The following SRGAP1 variants were observed in gnomAD, a reference collection of about 807,000 sequenced individuals.
SRGAP1 encodes SLIT-ROBO Rho GTPase activating protein 1.
Under a neutral mutation model 121.9 loss-of-function variants are expected in SRGAP1, and 43 were observed. The ratio of observed to expected loss-of-function variants is 0.35; its 90% CI spans 0.28 to 0.46. The LOEUF is 0.46. Ranked by LOEUF, SRGAP1 falls within the 20% of genes least tolerant of loss-of-function variation. The probability of loss-of-function intolerance (pLI) is 1.00; values close to 1 mark genes in which losing one functional copy is unlikely to be tolerated. For missense variants in SRGAP1, 1,102 were observed against 1,350.9 expected, an observed-to-expected ratio of 0.82 and a Z score of 2.89; for synonymous variants, 447 against 485.4, an observed-to-expected ratio of 0.92 and a Z score of 1.04.
intron 4 of SRGAP1, among the ~76,000 whole-genome samples, chr12:64,031,683 G>A (rs1382316738): frequency 6.6e-6 from 1 of 152,090 alleles, no homozygotes; most frequent in Non-Finnish European, 1.5e-5. Flanking sequence ...TCCTTTTAAA[G>A]GATATATTAA....
At chr12:64,065,470 T>C (rs964449686) in intron 8 of SRGAP1, among the ~76,000 whole-genome samples, 1 of 152,230 alleles carries the variant, frequency 6.6e-6, no homozygotes, top group African/African-American at 2.4e-5. Flanking sequence ...CCTTAAATTG[T>C]AATTTATACT....
intron 3 of SRGAP1, among the ~76,000 whole-genome samples, chr12:63,998,378 T>C (rs1246342672): frequency 6.6e-6 from 1 of 152,202 alleles, no homozygotes. Context: ...ACATCCTACT[T>C]CCTGAGAGAA....
chr12:63,945,841 C>T (rs2032026949), intron 1 of SRGAP1, among the ~76,000 whole-genome samples: 1 of 152,154 alleles, frequency 6.6e-6, no homozygotes, highest in Non-Finnish European at 1.5e-5. Flanking sequence ...CTCTTGGCAG[C>T]TAGAAGACTG....
In SRGAP1 at chr12:63,907,488, A is replaced by C. The variant is rs934543134; in HGVS notation, c.67+62605A>C. Among the ~76,000 whole-genome samples the C allele has an allele frequency of 5.4e-4, 82 of 152,078 alleles. 1 individual carries two copies. Among genetic ancestry groups the C allele is most frequent in the Non-Finnish European group, 2.5e-4 (17 of 68,014 alleles). On this transcript the variant is annotated intron_variant, in intron 1 of 21. Transcript: ENST00000355086. ...GGGAGGTGGAGGTTGCAGTGAGCTG[A>C]GATCACGCCATTGCACACCAGCCTG...
At chr12:63,949,351 T>G in intron 1 of SRGAP1, among the ~76,000 whole-genome samples, 1 of 146,564 alleles carries the variant, frequency 6.8e-6, no homozygotes. Context: ...TTTTTTGCTG[T>G]TGGTCTTTGA....
chr12:64,024,286 C>G lies in SRGAP1; in HGVS notation c.489+7274C>G, dbSNP rs181085411. On this transcript the variant is annotated intron_variant, in intron 4 of 21. Coordinates refer to ENST00000355086, the MANE Select transcript of SRGAP1 (RefSeq NM_020762.4). ...TCTCCTAAAAAATTAATAAATTTAG[C>G]TGGGTGTGGTGGTGTGTGCCTATAG... is the stretch of plus-strand genomic sequence containing the variant. Among the ~76,000 whole-genome samples, 3 of 152,156 alleles carry G rather than the reference C, an allele frequency of 2.0e-5. No homozygotes were observed. The East Asian group carries it at 5.8e-4, about 29-fold the overall frequency.
intron 10 of SRGAP1, among the ~76,000 whole-genome samples, chr12:64,084,055 A>C (rs1380641829): frequency 6.6e-6 from 1 of 152,216 alleles, no homozygotes; most frequent in Non-Finnish European, 1.5e-5. Context: ...AGGAGTTCTC[A>C]TCAGTCATTC....
chr12:64,025,848 A>G (rs1369235360), intron 4 of SRGAP1, among the ~76,000 whole-genome samples: 1 of 152,172 alleles, frequency 6.6e-6, no homozygotes, highest in African/African-American at 2.4e-5. Context: ...TAGATTAGCT[A>G]ATTTAACCTG....
At chr12:63,940,842 T>C (rs2031839795) in intron 1 of SRGAP1, among the ~76,000 whole-genome samples, 1 of 152,158 alleles carries the variant, frequency 6.6e-6, no homozygotes, top group South Asian at 2.1e-4. Flanking sequence ...GCATGTGGCA[T>C]CTCCTATGAA....
In SRGAP1 at chr12:64,008,960, G is replaced by A. The variant is rs533462515; in HGVS notation, c.427-7990G>A. On this transcript the variant is annotated intron_variant, in intron 3 of 21. Coordinates refer to ENST00000355086, the MANE Select transcript of SRGAP1 (RefSeq NM_020762.4). ...ACTTATAATCCCAGCCACCTGAGTT[G>A]TAGATGTGAGCTTTTGGTCACACCA... Among the ~76,000 whole-genome samples the A allele has an allele frequency of 3.5e-4, 53 of 152,210 alleles. 1 individual carries two copies. Among genetic ancestry groups the A allele is most frequent in the African/African-American group, 1.3e-3 (52 of 41,494 alleles).
At position 64,050,868 on chromosome 12, in the gene SRGAP1, C is replaced by T. The variant is rs548811839; in HGVS notation, c.801+7293C>T. On this transcript the variant is annotated intron_variant, in intron 6 of 21. Transcript: ENST00000355086. ...TCCCAAGTAGCTGGGATTACAGGTA[C>T]GGACCACCATGCCCGGCTAATTGTT... 1.1e-4 allele frequency among the ~76,000 whole-genome samples: 17 copies of T among 152,214 alleles called. No homozygotes were observed. In the East Asian group the frequency reaches 2.5e-3, roughly 23 times the overall value.
chr12:63,986,670 G>T (rs1399139483), intron 2 of SRGAP1, among the ~76,000 whole-genome samples: 1 of 152,172 alleles, frequency 6.6e-6, no homozygotes, highest in Non-Finnish European at 1.5e-5. Context: ...TGATCCGCCT[G>T]CCTCAGCCTC....
chr12:63,865,448 G>C (rs978697227), intron 1 of SRGAP1, among the ~76,000 whole-genome samples: 2 of 152,034 alleles, frequency 1.3e-5, no homozygotes, highest in Admixed American at 6.6e-5. Context: ...CAGCCTGGGC[G>C]ATAGAGCGAG....
At chr12:63,994,666 A>C (rs927397816) in intron 3 of SRGAP1, among the ~76,000 whole-genome samples, 5 of 152,182 alleles carry the variant, frequency 3.3e-5, no homozygotes, top group Non-Finnish European at 7.4e-5. Flanking sequence ...ATAGGAGAGT[A>C]CTCTGCTTTT....
chr12:63,868,145 G>A (rs1364797710), intron 1 of SRGAP1, among the ~76,000 whole-genome samples: 1 of 134,298 alleles, frequency 7.4e-6, no homozygotes, highest in Non-Finnish European at 1.5e-5. Context: ...GCACTGGCAC[G>A]ATCTCGGCTC....
At chr12:64,058,551 T>G (rs2035386300) in intron 6 of SRGAP1, among the ~76,000 whole-genome samples, 1 of 152,192 alleles carries the variant, frequency 6.6e-6, no homozygotes, top group Non-Finnish European at 1.5e-5. Flanking sequence ...AGCCTTTTCT[T>G]CTCCAATTTT....
At chr12:64,120,636 TTCAC>T (rs2036592130) in intron 18 of SRGAP1, 1 of 152,136 alleles carries the variant, frequency 6.6e-6, no homozygotes, top group Non-Finnish European at 1.5e-5. Flanking sequence ...TAGAGTGAAG[TTCAC>T]TCTGAAACTG....
At chr12:63,997,213 G>T (rs780798227) in intron 3 of SRGAP1, among the ~76,000 whole-genome samples, 8 of 152,112 alleles carry the variant, frequency 5.3e-5, no homozygotes, top group Non-Finnish European at 1.0e-4. Flanking sequence ...CCTGCATAGG[G>T]CAGCTCCATT....
chr12:64,025,367 T>C (rs1263577137), intron 4 of SRGAP1, among the ~76,000 whole-genome samples: 1 of 152,094 alleles, frequency 6.6e-6, no homozygotes, highest in East Asian at 1.9e-4. Flanking sequence ...GAGCCCAAGA[T>C]ACTTGCCACC....
Sources: gnomAD v4.1 joint callset for allele counts (sites outside exome capture counted in the v4.1 genomes callset) on GRCh38, gnomAD v4.1.1 for gene constraint, MANE v1.5 for transcripts, NCBI Gene and HGNC (gene_info 2026-07-23, HGNC 2026-07-21) for gene names.